The following TSPAN12 variants were observed in gnomAD, a reference collection of about 807,000 sequenced individuals.
The protein encoded by TSPAN12 is tetraspanin 12.
Under a neutral mutation model 39.2 loss-of-function variants are expected in TSPAN12, and 19 were observed. The ratio of observed to expected loss-of-function variants is 0.49; its 90% CI spans 0.34 to 0.71. The LOEUF (loss-of-function observed/expected upper bound fraction) is 0.71, where lower values mean the gene tolerates loss of function less well. Among genes scored for constraint, TSPAN12 ranks in the 30% least tolerant of loss-of-function variants. TSPAN12 has a pLI of 0.01. For synonymous variants in TSPAN12, 119 were observed against 124.8 expected, an observed-to-expected ratio of 0.95 and a Z score of 0.31; for missense variants, 314 against 359.9, an observed-to-expected ratio of 0.87 and a Z score of 1.03.
intron 1 of TSPAN12, 142 bp downstream of exon 1, chr7:120,857,678 C>G (rs1043926818): frequency 6.6e-6 from 1 of 152,184 alleles, no homozygotes; most frequent in African/African-American, 2.4e-5. Flanking sequence ...CCGCGCGCCC[C>G]CGGCAGGGCG....
rs113152204 is a variant in TSPAN12 at position 120,797,104 on chromosome 7, C to A, written c.613-8207G>T. 7.0e-3 allele frequency among the ~76,000 whole-genome samples: 1,065 copies of A among 152,304 alleles called. 13 individuals carry two copies. Among genetic ancestry groups the A allele is most frequent in the African/African-American group, 0.024 (1,008 of 41,580 alleles). On this transcript the variant is annotated intron_variant, in intron 7 of 7. Coordinates refer to ENST00000222747, the MANE Select transcript of TSPAN12 (RefSeq NM_012338.4). ...CCTGAGAGGCGGAGCTTGCAGTGAG[C>A]CGAGATGGCGCCCCTGCACTCCAGC...
chr7:120,821,816 C>A (rs371895218), intron 4 of TSPAN12, among the ~76,000 whole-genome samples: 8 of 152,180 alleles, frequency 5.3e-5, no homozygotes, highest in African/African-American at 1.9e-4. Context: ...ATGAGAATGA[C>A]GGTGTATAAA....
At chr7:120,798,108 A>G (rs1384987861) in intron 7 of TSPAN12, among the ~76,000 whole-genome samples, 1 of 152,246 alleles carries the variant, frequency 6.6e-6, no homozygotes, top group Non-Finnish European at 1.5e-5. Flanking sequence ...TAGACAGAAT[A>G]GAGAACAGGA....
chr7:120,828,872 T>C (rs1254883697), intron 4 of TSPAN12, among the ~76,000 whole-genome samples: 1 of 152,140 alleles, frequency 6.6e-6, no homozygotes, highest in East Asian at 1.9e-4. Context: ...CAATGATTCA[T>C]ATTCTACTTA....
intron 2 of TSPAN12, among the ~76,000 whole-genome samples, chr7:120,848,506 TG>T (rs5887002): frequency 0.018 from 2,677 of 152,312 alleles, 77 homozygotes; most frequent in African/African-American, 0.06. Context: ...TTTCTATCAC[TG>T]GAAGTTTTCC....
intron 4 of TSPAN12, among the ~76,000 whole-genome samples, chr7:120,823,053 A>G (rs1490434724): frequency 6.6e-6 from 1 of 152,200 alleles, no homozygotes; most frequent in African/African-American, 2.4e-5. Context: ...ATTTCCAGGC[A>G]TATAGGCTTT....
At chr7:120,836,258 G>C (rs945751353) in intron 4 of TSPAN12, among the ~76,000 whole-genome samples, 2 of 152,176 alleles carry the variant, frequency 1.3e-5, no homozygotes, top group African/African-American at 4.8e-5. Flanking sequence ...CATGGTAGTT[G>C]AGACCACAGA....
At chr7:120,817,173 A>G (rs1160890107) in intron 4 of TSPAN12, among the ~76,000 whole-genome samples, 1 of 152,078 alleles carries the variant, frequency 6.6e-6, no homozygotes, top group African/African-American at 2.4e-5. Context: ...CAGGAATTCG[A>G]GACCAGCCTG....
rs1203678767 is a variant in TSPAN12, at chr7:120,806,766, G to GT, written c.469-75dup. ...TTAACTTATAGGAGATTAAACATCAGTTTTTTAAAATTTTTGTACCCAGAG... is the reference window on the plus strand; with the variant it reads ...TTAACTTATAGGAGATTAAACATCAGTTTTTTTAAAATTTTTGTACCCAGAG... On this transcript the variant is annotated intron_variant, in intron 6 of 7. Transcript: ENST00000222747. The GT allele has an allele frequency of 1.9e-6, 3 of 1,590,414 alleles. No individual in the cohort carries two copies. The African/African-American group carries it at 4.1e-5, about 22-fold the overall frequency.
intron 4 of TSPAN12, among the ~76,000 whole-genome samples, chr7:120,821,915 C>T (rs1233685528): frequency 6.6e-6 from 1 of 152,152 alleles, no homozygotes; most frequent in Non-Finnish European, 1.5e-5. Flanking sequence ...AGTAAAATCC[C>T]TGTCCAGTGA....
Position 120,788,743 on chromosome 7 carries a change from C to T in TSPAN12, c.767G>A (p.Gly256Glu), listed in dbSNP as rs551381188. 2 of 1,614,034 alleles carry T rather than the reference C, an allele frequency of 1.2e-6. No homozygotes were observed. The highest frequency in any genetic ancestry group is 2.7e-5 in the African/African-American group (2 of 74,992). The change falls in exon 8 of 8, where the codon GGG becomes GAG. Residue 256 changes from glycine (G) to glutamate (E), a missense_variant. By Grantham distance (98) the Gly-to-Glu change is moderately conservative. Coordinates refer to ENST00000222747, the MANE Select transcript of TSPAN12 (RefSeq NM_012338.4). ...CTTCAAGGACATCATTTGGTCTGTC[C>T]CCGGCTCCCTTCTATCATAATACAG... ...WALYYDRREP[G>E]TDQMMSLKND... is the part of the protein sequence containing the mutation.
At chr7:120,805,632 A>G (rs549033420) in intron 7 of TSPAN12, among the ~76,000 whole-genome samples, 70 of 152,146 alleles carry the variant, frequency 4.6e-4, no homozygotes, top group African/African-American at 1.6e-3. Context: ...TCTGATTCAC[A>G]TTTTACATTT....
At chr7:120,797,533 A>G (rs769612266) in intron 7 of TSPAN12, among the ~76,000 whole-genome samples, 16 of 152,224 alleles carry the variant, frequency 1.1e-4, no homozygotes, top group African/African-American at 1.4e-4. Flanking sequence ...CACAAAATCC[A>G]TATCTCTAGC....
At chr7:120,840,171 A>C (rs1794551169) in intron 2 of TSPAN12, 62 bp from the exon 3 acceptor site, 6 of 1,224,328 alleles carry the variant, frequency 4.9e-6, no homozygotes, top group Non-Finnish European at 7.3e-6. Flanking sequence ...TGCAGGATTA[A>C]TAATAGGAAA....
chr7:120,809,492 G>C (rs1247016100), intron 6 of TSPAN12, among the ~76,000 whole-genome samples: 1 of 152,200 alleles, frequency 6.6e-6, no homozygotes. Context: ...GTTGTACACA[G>C]CCAGATTTGG....
intron 7 of TSPAN12, among the ~76,000 whole-genome samples, chr7:120,795,672 T>A (rs1250135478): frequency 1.3e-5 from 2 of 152,228 alleles, no homozygotes; most frequent in African/African-American, 4.8e-5. Context: ...TTGAAATAGC[T>A]ATATTGATTA....
At chr7:120,790,754 C>G (rs73425871) in intron 7 of TSPAN12, among the ~76,000 whole-genome samples, 2 of 152,028 alleles carry the variant, frequency 1.3e-5, no homozygotes. Flanking sequence ...TTACATAGTT[C>G]GGGAAGAGTC....
chr7:120,802,724 T>C (rs1793798124), intron 7 of TSPAN12, among the ~76,000 whole-genome samples: 1 of 152,158 alleles, frequency 6.6e-6, no homozygotes, highest in Admixed American at 6.5e-5. Flanking sequence ...GGGTCAGAGG[T>C]ATTTTCATTA....
chr7:120,814,111 T>C (rs1794034707), intron 5 of TSPAN12: 1 of 439,662 alleles, frequency 2.3e-6, no homozygotes, highest in South Asian at 1.7e-5. Flanking sequence ...GAGTAGCCAC[T>C]AGTCTGTGGT....
Sources: gnomAD v4.1 joint callset for allele counts (sites outside exome capture counted in the v4.1 genomes callset) on GRCh38, gnomAD v4.1.1 for gene constraint, MANE v1.5 for transcripts, NCBI Gene and HGNC (gene_info 2026-07-23, HGNC 2026-07-21) for gene names.